Variants in NAALADL1 observed in about 807,000 individuals in gnomAD.
The protein encoded by NAALADL1 is aminopeptidase NAALADL1.
A neutral mutation model predicts 82.8 loss-of-function variants in NAALADL1; 77 were observed. The ratio of observed to expected loss-of-function variants is 0.93; its 90% CI spans 0.77 to 1.12. The LOEUF (loss-of-function observed/expected upper bound fraction) is 1.12, where lower values mean the gene tolerates loss of function less well. NAALADL1 is among the 50% of genes most tolerant of loss of function. The pLI, the probability that NAALADL1 is intolerant of heterozygous loss-of-function variation, is 0.00. For missense variants in NAALADL1, 956 were observed against 964.0 expected (o/e 0.99, Z 0.11); for synonymous variants, 358 against 399.2 (o/e 0.90, Z 1.23).
At position 65,053,112 on chromosome 11, in the gene NAALADL1, C is replaced by G. The variant is rs1946932472; in HGVS notation, c.1198+106G>C. 5 of 1,388,616 alleles carry G rather than the reference C, an allele frequency of 3.6e-6. No homozygotes were observed. The South Asian group carries it at 7.4e-5, about 20-fold the overall frequency. 86.0% of individuals were successfully genotyped at this position (1,388,616 alleles called of 1,614,324 possible). A position where few individuals can be genotyped will look rare whatever the true frequency, so the allele number is the denominator to read the frequency against. ...GTCATGCATGTCTGCCCCCAGGGCC[C>G]TCAGGCATGGCACAAGGAGCACTGC... On this transcript the variant is annotated intron_variant, in intron 8 of 17. Transcript: ENST00000358658. This position sits in a 1 kb window ranked among gnomAD's most constrained non-coding sequence, Gnocchi z 4.3.
upstream of NAALADL1, among the ~76,000 whole-genome samples, chr11:65,060,041 G>A (rs891706755): frequency 1.3e-5 from 2 of 152,176 alleles, no homozygotes; most frequent in African/African-American, 4.8e-5. Context: ...GGCCTATCCT[G>A]CCTTGACTCT....
rs962141759 is a variant in NAALADL1, at chr11:65,045,327, C to T, written c.2167G>A (p.Val723Met). ...GCCGCACCCTCCAGGGCTGTCACCA[C>T]AATGCTGAGCTGTCTCTGGACCTCA... ...WAEVQRQLSI[V>M]VTALEGAAAT... The change falls in exon 18 of 18, where the codon GTG (valine) becomes ATG (methionine). Residue 723 changes from valine (V) to methionine (M), a missense_variant. Coordinates refer to ENST00000358658, the MANE Select transcript of NAALADL1 (RefSeq NM_005468.3). The T allele has an allele frequency of 3.7e-6, 6 of 1,610,922 alleles. No homozygotes were observed. The highest frequency in any genetic ancestry group is 4.5e-5 in the East Asian group (2 of 44,802).
At chr11:65,047,349 A>T in intron 13 of NAALADL1, 126 bp downstream of exon 13, 1 of 762,948 alleles carries the variant, frequency 1.3e-6, no homozygotes, top group Non-Finnish European at 2.1e-6. Flanking sequence ...GTTTTTTTTT[A>T]AGAAACTTGG....
In NAALADL1 at chr11:65,049,582, A is replaced by G. The variant is rs187499889; in HGVS notation, c.1199-1197T>C. On this transcript the variant is annotated intron_variant, in intron 8 of 17. Transcript: ENST00000358658. ...GGGCCAAAAAATTATTTTGCTATCAAGGTCATCACTGGGCACAGTGGCTCA... is the reference window on the plus strand; with the variant it reads ...GGGCCAAAAAATTATTTTGCTATCAGGGTCATCACTGGGCACAGTGGCTCA... Among the ~76,000 whole-genome samples the G allele has an allele frequency of 4.3e-3, 652 of 152,166 alleles. 5 individuals are homozygous for G. The highest frequency in any genetic ancestry group is 0.015 in the African/African-American group (626 of 41,552).
Position 65,054,647 on chromosome 11 carries a change from G to C in NAALADL1, c.695C>G (p.Thr232Ser), listed in dbSNP as rs771647407. The C allele has an allele frequency of 3.1e-6, 5 of 1,614,158 alleles. No individual in the cohort carries two copies. The South Asian group carries it at 5.5e-5, about 18-fold the overall frequency. The change falls in exon 5 of 18, where the codon ACC becomes AGC. Residue 232 changes from threonine to serine, a missense_variant. Coordinates refer to ENST00000358658, the MANE Select transcript of NAALADL1 (RefSeq NM_005468.3). This position sits in a 1 kb window ranked among gnomAD's most constrained non-coding sequence, Gnocchi z 4.3. Reference protein sequence around the residue: ...INDGLSSPDETFPNSWYLPPS... With the variant: ...INDGLSSPDESFPNSWYLPPS... ...GGGCAGGTACCAGGAGTTGGGAAAG[G>C]TTTCGTCGGGTGAGCTCAGCCCATC...
At chr11:65,046,614 T>G (rs896518617) in intron 13 of NAALADL1, 88 bp from the exon 14 acceptor site, 3 of 1,308,916 alleles carry the variant, frequency 2.3e-6, no homozygotes, top group Non-Finnish European at 3.3e-6. Flanking sequence ...GTGGGCATTA[T>G]CTCCACTGAA....
chr11:65,045,809 G>C lies in NAALADL1; in HGVS notation c.2036+13C>G, dbSNP rs371679856. Reference sequence around the variant, plus strand: ...ACCTGGAGGCACCTCCCAGGACTCTGGGACAGACTCACCTGTAGTAGCGTT... The same window carrying C: ...ACCTGGAGGCACCTCCCAGGACTCTCGGACAGACTCACCTGTAGTAGCGTT... On this transcript the variant is annotated intron_variant, in intron 17 of 17. Coordinates refer to ENST00000358658, the MANE Select transcript of NAALADL1 (RefSeq NM_005468.3). 1.4e-5 allele frequency: 23 copies of C among 1,613,020 alleles called. No individual in the cohort carries two copies. In the South Asian group the frequency reaches 1.8e-4, roughly 12 times the overall value.
At position 65,045,919 on chromosome 11, in the gene NAALADL1, T is replaced by C. The variant is rs765038164; in HGVS notation, c.1944-5A>G. 2.5e-6 allele frequency: 4 copies of C among 1,613,696 alleles called. No individual in the cohort carries two copies. In the African/African-American group the frequency reaches 5.3e-5, roughly 22 times the overall value. ...AGCATCCGGACCTGCAGGGGGCTGG[T>C]GGGGAGGCAGGAACTGCCAGTCACC... On this transcript the variant is annotated splice_polypyrimidine_tract_variant and splice_region_variant and intron_variant, in intron 16 of 17. Transcript: ENST00000358658.
In NAALADL1 at chr11:65,046,218, G is replaced by T; in HGVS notation, c.1826C>A (p.Ala609Asp). The T allele has an allele frequency of 6.2e-7, 1 of 1,614,064 alleles. No homozygotes were observed. The highest frequency in any genetic ancestry group is 8.5e-7 in the Non-Finnish European group (1 of 1,180,012). ...FLQAAQQDLG[A>D]LLEQHSISLG... The stretch of plus-strand genomic sequence containing the variant: ...GCTGATGCTGTGCTGCTCCAGCAGG[G>T]CCCCAAGATCTTGCTGGGCTGCCTG... The change falls in exon 15 of 18, where the codon GCC (alanine) becomes GAC (aspartate). Residue 609 changes from alanine (A) to aspartate (D), a missense_variant. Coordinates refer to ENST00000358658, the MANE Select transcript of NAALADL1 (RefSeq NM_005468.3).
chr11:65,045,595 G>C (rs985938535), intron 17 of NAALADL1, 138 bp from the exon 18 acceptor site: 2 of 1,030,672 alleles, frequency 1.9e-6, no homozygotes, highest in Non-Finnish European at 2.8e-6. Flanking sequence ...GAAGGCCAGG[G>C]AGCTCTTACA....
Position 65,048,349 on chromosome 11 carries a change from C to T in NAALADL1, c.1235G>A (p.Ser412Asn), listed in dbSNP as rs751635131. The T allele has an allele frequency of 1.2e-6, 2 of 1,614,202 alleles. No individual in the cohort carries two copies. The highest frequency in any genetic ancestry group is 2.2e-5 in the South Asian group (2 of 91,090). ...WRPRRSIVFA[S>N]WGAEEFGLIG... The stretch of plus-strand genomic sequence containing the variant: ...GAGCCCAAACTCCTCAGCCCCCCAG[C>T]TCGCAAACACGATTGATCTGCGAGG... Residue 412 changes from serine (S) to asparagine (N), a missense_variant, in exon 9 of 18, where the codon AGC becomes AAC. Ser to Asn is a conservative substitution (Grantham distance 46, BLOSUM62 1). Transcript: ENST00000358658.
At chr11:65,045,675 C>T (rs1946703761) in intron 17 of NAALADL1, 147 bp downstream of exon 17, 3 of 932,550 alleles carry the variant, frequency 3.2e-6, no homozygotes, top group African/African-American at 1.7e-5. Context: ...AGCAACTTTC[C>T]TCCCCTCCCT....
rs1440497879 is a variant in NAALADL1, at chr11:65,045,436, G to A, written c.2058C>T (p.Arg686=). ...RYYSHVLWAP[R]TGSVVTFPGL... is the part of the protein sequence containing the mutation. ...CCGGGAATGTGACTACGGAGCCCGT[G>A]CGAGGTGCCCAGAGCACATGGCTGA... is the stretch of plus-strand genomic sequence containing the variant. Residue 686 remains arginine, a synonymous_variant, in exon 18 of 18, where the codon CGC becomes CGT. Transcript: ENST00000358658. 3 of 1,610,844 alleles carry A rather than the reference G, an allele frequency of 1.9e-6. No homozygotes were observed. Among genetic ancestry groups the A allele is most frequent in the Non-Finnish European group, 2.5e-6 (3 of 1,178,430 alleles).
At position 65,048,156 on chromosome 11, in the gene NAALADL1, C is replaced by A; in HGVS notation, c.1344G>T (p.Val448=). 1 of 1,613,984 alleles carries A rather than the reference C, an allele frequency of 6.2e-7. No individual in the cohort carries two copies. The highest frequency in any genetic ancestry group is 8.5e-7 in the Non-Finnish European group (1 of 1,179,994). The part of the protein sequence containing the change: ...TVAYINVDIS[V]FANATLRVQG... ...CCTGCCCCACCACCCACATACCAAA[C>A]ACCGAGATGTCCACGTTGATGTAGG... is the stretch of plus-strand genomic sequence containing the variant. Residue 448 remains valine (V), a synonymous_variant, in exon 10 of 18, where the codon GTG becomes GTT. Transcript: ENST00000358658.
Position 65,058,485 on chromosome 11 carries a change from C to CCCCCAG in NAALADL1, c.31_36dup (p.Leu11_Gly12dup), listed in dbSNP as rs1565250900. ...ATCCCCAGCCCCAAGAGGGCAGCAG[C>CCCCCAG]CCCCAGCCCCAGCCCCAACACCTTC... On this transcript the variant is annotated inframe_insertion, in exon 1 of 18. Coordinates refer to ENST00000358658, the MANE Select transcript of NAALADL1 (RefSeq NM_005468.3). 5 of 1,610,058 alleles carry CCCCCAG rather than the reference C, an allele frequency of 3.1e-6. No homozygotes were observed. The highest frequency in any genetic ancestry group is 1.7e-5 in the Admixed American group (1 of 59,654).
intron 13 of NAALADL1, among the ~76,000 whole-genome samples, chr11:65,047,099 G>A (rs1425059885): frequency 1.3e-5 from 2 of 150,912 alleles, no homozygotes. Context: ...ATAACATAAC[G>A]GCACATCTTA....
At chr11:65,051,685 G>A (rs1946894270) in intron 8 of NAALADL1, among the ~76,000 whole-genome samples, 3 of 152,024 alleles carry the variant, frequency 2.0e-5, no homozygotes, top group African/African-American at 7.3e-5. Flanking sequence ...GGGGGATGGA[G>A]TTTGACAGCA....
Position 65,047,997 on chromosome 11 carries a change from A to G in NAALADL1, c.1400T>C (p.Phe467Ser). Residue 467 changes from phenylalanine to serine, a missense_variant, in exon 11 of 18, where the codon TTC (phenylalanine) becomes TCC (serine). Transcript: ENST00000358658. ...QGTPPVQSVV[F>S]SATKEIRSPG... The stretch of plus-strand genomic sequence containing the variant: ...CCCTTCCACCTCTTTGGTTGCAGAG[A>G]AGACGACGCTCTGGACAGGGGGCGT... 1.2e-6 allele frequency: 2 copies of G among 1,610,036 alleles called. No homozygotes were observed. The highest frequency in any genetic ancestry group is 1.7e-6 in the Non-Finnish European group (2 of 1,178,672).
Position 65,054,108 on chromosome 11 carries a change from G to T in NAALADL1, c.992+142C>A. 1.4e-6 allele frequency: 1 copy of T among 715,510 alleles called. No individual in the cohort carries two copies. Among genetic ancestry groups the T allele is most frequent in the Non-Finnish European group, 2.3e-6 (1 of 437,244 alleles). The allele number at this position is 715,510 out of a possible 1,614,324, so 44.3% of individuals were successfully genotyped here. On this transcript the variant is annotated intron_variant, in intron 6 of 17. Coordinates refer to ENST00000358658, the MANE Select transcript of NAALADL1 (RefSeq NM_005468.3). The surrounding 1 kb of genome is among the most constrained non-coding windows in gnomAD (Gnocchi z 4.3). ...CCCCAAAAACAAGACATATTTTGGG[G>T]TCAGGAGAGGGTCTGGGAGAGAGAG...
Sources: allele counts gnomAD v4.1 joint callset (sites outside exome capture counted in the v4.1 genomes callset), GRCh38; gene constraint gnomAD v4.1.1; non-coding constraint Gnocchi (gnomAD v3.1); transcripts MANE v1.5; gene names NCBI Gene and HGNC (gene_info 2026-07-23, HGNC 2026-07-21).